Variants in CLSTN2 observed in about 807,000 individuals in gnomAD.
CLSTN2 encodes the protein calsyntenin-2.
CLSTN2 carries 48 observed loss-of-function variants against 101.2 expected under a neutral mutation model. That is an observed-to-expected ratio of 0.47 (90% confidence interval 0.38 to 0.60). CLSTN2 has a LOEUF of 0.60. CLSTN2 is among the 20% of genes least tolerant of loss of function. The pLI, the probability that CLSTN2 is intolerant of heterozygous loss-of-function variation, is 0.00. For synonymous variants in CLSTN2, 481 were observed against 463.6 expected (o/e 1.04, Z -0.48); for missense variants, 1,160 against 1,238.2 (o/e 0.94, Z 0.95).
Position 140,570,139 on chromosome 3 carries a change from C to G in CLSTN2, c.*3886C>G, listed in dbSNP as rs1985481417. 1 of 152,100 alleles carries G rather than the reference C, an allele frequency of 6.6e-6. No homozygotes were observed. The highest frequency in any genetic ancestry group is 2.1e-4 in the South Asian group (1 of 4,814). The allele number at this position is 152,100 out of a possible 1,614,324, so 9.4% of individuals were successfully genotyped here. A position where few individuals can be genotyped will look rare whatever the true frequency, so the allele number is the denominator to read the frequency against. ...TCCCCCATTCCTATATGTCAGGTGTCAGCAAACTATCTGTAAAGAGGCAAA... is the reference window on the plus strand; with the variant it reads ...TCCCCCATTCCTATATGTCAGGTGTGAGCAAACTATCTGTAAAGAGGCAAA... On this transcript the variant is annotated 3_prime_UTR_variant, in exon 17 of 17. Coordinates refer to ENST00000458420, the MANE Select transcript of CLSTN2 (RefSeq NM_022131.3).
chr3:140,073,517 T>A (rs1282278477), intron 1 of CLSTN2, among the ~76,000 whole-genome samples: 3 of 152,192 alleles, frequency 2.0e-5, no homozygotes, highest in Admixed American at 2.0e-4. Context: ...CCACACACAT[T>A]CCTTTGCCAG....
intron 9 of CLSTN2, among the ~76,000 whole-genome samples, chr3:140,545,577 T>C (rs1346561201): frequency 6.6e-6 from 1 of 152,156 alleles, no homozygotes; most frequent in Non-Finnish European, 1.5e-5. Flanking sequence ...GCTGGGAAGG[T>C]TGCTCAGAGA....
chr3:140,167,262 C>T (rs1414589483), intron 1 of CLSTN2, among the ~76,000 whole-genome samples: 2 of 152,208 alleles, frequency 1.3e-5, no homozygotes, highest in African/African-American at 4.8e-5. Context: ...TTTACATTTC[C>T]CCCAAGATAT....
At chr3:140,408,247 G>T (rs1001158044) in intron 4 of CLSTN2, among the ~76,000 whole-genome samples, 49 of 152,144 alleles carry the variant, frequency 3.2e-4, no homozygotes, top group African/African-American at 1.1e-3. Flanking sequence ...ATAACAGGAT[G>T]AACAATCAGT....
chr3:140,131,855 C>T (rs1024122162), intron 1 of CLSTN2, among the ~76,000 whole-genome samples: 19 of 151,972 alleles, frequency 1.3e-4, no homozygotes, highest in East Asian at 3.9e-4. Context: ...ATGCTAGCAC[C>T]GAGAGCGGGC....
chr3:140,560,859 G>A (rs961748883), intron 12 of CLSTN2, among the ~76,000 whole-genome samples: 2 of 152,124 alleles, frequency 1.3e-5, no homozygotes, highest in African/African-American at 4.8e-5. Context: ...AAATAAAGAT[G>A]CACATACAGC....
chr3:140,275,478 C>G (rs1212370485), intron 2 of CLSTN2, among the ~76,000 whole-genome samples: 2 of 152,042 alleles, frequency 1.3e-5, no homozygotes, highest in African/African-American at 4.8e-5. Flanking sequence ...TGCTATGTTG[C>G]CCAGGCTGGT....
rs990247361 is a variant in CLSTN2 at position 140,181,804 on chromosome 3, A to T, written c.232+5731A>T. The stretch of plus-strand genomic sequence containing the variant: ...TTCTGTTTTGCAAATGAAGACATTG[A>T]GGCTTTGGGAAATTTCAAATACTGT... On this transcript the variant is annotated intron_variant, in intron 2 of 16. Transcript: ENST00000458420. Among the ~76,000 whole-genome samples the T allele has an allele frequency of 1.2e-4, 19 of 152,294 alleles. 1 individual carries two copies. Among genetic ancestry groups the T allele is most frequent in the African/African-American group, 4.3e-4 (18 of 41,560 alleles).
At chr3:140,273,635 G>T (rs923434544) in intron 2 of CLSTN2, among the ~76,000 whole-genome samples, 2 of 152,148 alleles carry the variant, frequency 1.3e-5, no homozygotes, top group African/African-American at 2.4e-5. Flanking sequence ...TATAGAGTTG[G>T]TGCCTAAATG....
chr3:140,357,717 T>C (rs943629018), intron 2 of CLSTN2, among the ~76,000 whole-genome samples: 4 of 152,100 alleles, frequency 2.6e-5, no homozygotes, highest in Non-Finnish European at 4.4e-5. Context: ...TCAACATGCC[T>C]TTAGAATGAG....
intron 8 of CLSTN2, among the ~76,000 whole-genome samples, chr3:140,523,330 T>C (rs1225050830): frequency 6.6e-6 from 1 of 152,170 alleles, no homozygotes; most frequent in African/African-American, 2.4e-5. Context: ...GTTTCCATTC[T>C]TGCTACTCAT....
intron 1 of CLSTN2, among the ~76,000 whole-genome samples, chr3:140,035,833 T>A (rs555976718): frequency 1.1e-4 from 16 of 152,308 alleles, no homozygotes; most frequent in Admixed American, 7.8e-4. Flanking sequence ...CCTGAGCTCC[T>A]TGCCTGTGGT....
intron 2 of CLSTN2, among the ~76,000 whole-genome samples, chr3:140,300,138 T>A (rs1249534173): frequency 6.6e-6 from 1 of 152,226 alleles, no homozygotes; most frequent in Admixed American, 6.5e-5. Context: ...TGCTCTTTAA[T>A]TATCTCTGGG....
chr3:140,137,108 A>G (rs1420169183), intron 1 of CLSTN2, among the ~76,000 whole-genome samples: 3 of 152,164 alleles, frequency 2.0e-5, no homozygotes, highest in Admixed American at 6.6e-5. Context: ...GGAGTTGCCA[A>G]TTGATTTATT....
At chr3:139,984,224 A>G (rs1696396282) in intron 1 of CLSTN2, among the ~76,000 whole-genome samples, 1 of 152,202 alleles carries the variant, frequency 6.6e-6, no homozygotes, top group Non-Finnish European at 1.5e-5. Context: ...ATTTTAGCCA[A>G]AAGCCTAGGT....
At chr3:140,511,716 A>ATTTT (rs34793896) in intron 8 of CLSTN2, among the ~76,000 whole-genome samples, 2 of 142,436 alleles carry the variant, frequency 1.4e-5, no homozygotes, top group African/African-American at 5.2e-5. Flanking sequence ...CACCTGGCTA[A>ATTTT]TTTTTTTTTT....
chr3:140,468,636 G>A (rs1933765501), intron 8 of CLSTN2, among the ~76,000 whole-genome samples: 1 of 152,234 alleles, frequency 6.6e-6, no homozygotes, highest in Admixed American at 6.5e-5. Flanking sequence ...TGGCTAATGT[G>A]TGGCAAGAGA....
chr3:140,261,430 T>C (rs1273529254), intron 2 of CLSTN2, among the ~76,000 whole-genome samples: 1 of 152,100 alleles, frequency 6.6e-6, no homozygotes, highest in Non-Finnish European at 1.5e-5. Context: ...TGTCTTTTGG[T>C]TTTTGGGTTT....
At chr3:139,962,212 A>G (rs1014598025) in intron 1 of CLSTN2, among the ~76,000 whole-genome samples, 2 of 152,168 alleles carry the variant, frequency 1.3e-5, no homozygotes, top group African/African-American at 4.8e-5. Flanking sequence ...TTCAAGAGGG[A>G]TCCATCAATT....
Sources: allele counts gnomAD v4.1 joint callset (sites outside exome capture counted in the v4.1 genomes callset), GRCh38; gene constraint gnomAD v4.1.1; transcripts MANE v1.5; gene names NCBI Gene and HGNC (gene_info 2026-07-23, HGNC 2026-07-21).